MARS1: variants seen among roughly 807,000 people sequenced by gnomAD.
MARS1 encodes methionyl-tRNA synthetase 1.
A neutral mutation model predicts 119.5 loss-of-function variants in MARS1; 80 were observed. That is an observed-to-expected ratio of 0.67 (90% CI 0.56 to 0.81). MARS1 has a LOEUF of 0.81. MARS1 is among the 30% of genes least tolerant of loss of function. MARS1 has a pLI of 0.00. For synonymous variants in MARS1, 418 were observed against 433.4 expected, an observed-to-expected ratio of 0.96 and a Z score of 0.44; for missense variants, 945 against 1,116.5, an observed-to-expected ratio of 0.85 and a Z score of 2.19.
At chr12:57,502,674 C>G (rs989974824) in intron 10 of MARS1, among the ~76,000 whole-genome samples, 2 of 144,964 alleles carry the variant, frequency 1.4e-5, no homozygotes, top group African/African-American at 2.6e-5. Flanking sequence ...CTACTGCACT[C>G]CAGCCTGGGC....
intron 11 of MARS1, among the ~76,000 whole-genome samples, chr12:57,507,751 G>A (rs1162427416): frequency 3.4e-5 from 5 of 146,684 alleles, no homozygotes; most frequent in South Asian, 4.3e-4. Flanking sequence ...GGCCGGGCGG[G>A]GGCTGACCCC....
rs1301232562 is a variant in MARS1, at chr12:57,507,380, C to T, written c.1368+3081C>T. Among the ~76,000 whole-genome samples the T allele has an allele frequency of 8.8e-5, 13 of 147,334 alleles. 1 individual carries two copies. In the East Asian group the frequency reaches 1.4e-3, roughly 16 times the overall value. Reference sequence around the variant, plus strand: ...TGAGCTGTTGGGTACACCTCCCAGACGGGGTGGTGGCCAGGCAGAGGGGCT... The same window carrying T: ...TGAGCTGTTGGGTACACCTCCCAGATGGGGTGGTGGCCAGGCAGAGGGGCT... On this transcript the variant is annotated intron_variant, in intron 11 of 20. Coordinates refer to ENST00000262027, the MANE Select transcript of MARS1 (RefSeq NM_004990.4).
intron 10 of MARS1, 66 bp downstream of exon 10, chr12:57,500,588 T>C: frequency 6.8e-7 from 1 of 1,471,908 alleles, no homozygotes; most frequent in Non-Finnish European, 9.4e-7. Flanking sequence ...ACGCCCTTCC[T>C]GTCCCATTTA....
At chr12:57,501,553 C>G (rs1876916287) in intron 10 of MARS1, among the ~76,000 whole-genome samples, 1 of 152,160 alleles carries the variant, frequency 6.6e-6, no homozygotes, top group East Asian at 1.9e-4. Flanking sequence ...GGTGCGGTGG[C>G]TCACGCCTGT....
intron 7 of MARS1, among the ~76,000 whole-genome samples, chr12:57,492,783 A>G (rs1876053855): frequency 6.6e-6 from 1 of 151,938 alleles, no homozygotes; most frequent in Non-Finnish European, 1.5e-5. Context: ...GAGTGGAGAG[A>G]GGGTGTTTCA....
chr12:57,498,518 C>T lies in MARS1; in HGVS notation c.986C>T (p.Pro329Leu), dbSNP rs145260922. ...ETKALEEGLTPQEICDKYHII... is the reference protein window; with the variant it reads ...ETKALEEGLTLQEICDKYHII... ...AAGGCTCTGGAGGAGGGACTAACCCCCCAGGAGATCTGCGACAAGTACCAC... is the reference window on the plus strand; with the variant it reads ...AAGGCTCTGGAGGAGGGACTAACCCTCCAGGAGATCTGCGACAAGTACCAC... Residue 329 changes from proline (P) to leucine (L), a missense_variant, in exon 9 of 21, where the codon CCC becomes CTC. Pro to Leu is a moderately conservative substitution (Grantham distance 98). Coordinates refer to ENST00000262027, the MANE Select transcript of MARS1 (RefSeq NM_004990.4). 3 of 1,614,170 alleles carry T rather than the reference C, an allele frequency of 1.9e-6. No homozygotes were observed. Among genetic ancestry groups the T allele is most frequent in the Non-Finnish European group, 2.5e-6 (3 of 1,180,022 alleles).
chr12:57,496,041 G>C (rs1278636095), intron 7 of MARS1, among the ~76,000 whole-genome samples: 2 of 152,132 alleles, frequency 1.3e-5, no homozygotes, highest in South Asian at 2.1e-4. Context: ...GCAATTTTTT[G>C]TATTTTTAGT....
In MARS1 at chr12:57,512,769, A is replaced by G. The variant is rs775880924; in HGVS notation, c.1772A>G (p.Asp591Gly). 2 of 1,613,974 alleles carry G rather than the reference A, an allele frequency of 1.2e-6. No homozygotes were observed. Among genetic ancestry groups the G allele is most frequent in the Non-Finnish European group, 1.7e-6 (2 of 1,179,944 alleles). Reference protein sequence around the residue: ...LIATEYLNYEDGKFSKSRGVG... With the variant: ...LIATEYLNYEGGKFSKSRGVG... ...TGTCCAGAGTACCTGAACTATGAGG[A>G]TGGGAAATTCTCTAAGAGCCGCGGT... The change falls in exon 15 of 21, where the codon GAT (aspartate) becomes GGT (glycine). Residue 591 changes from aspartate to glycine, a missense_variant. Transcript: ENST00000262027.
chr12:57,500,578 A>G (rs1203806101), intron 10 of MARS1, 56 bp downstream of exon 10: 1 of 1,518,270 alleles, frequency 6.6e-7, no homozygotes, highest in Admixed American at 1.8e-5. Flanking sequence ...TTCTTAAGGG[A>G]CGCCCTTCCT....
chr12:57,509,119 T>C (rs1877388365), intron 11 of MARS1, among the ~76,000 whole-genome samples: 1 of 152,246 alleles, frequency 6.6e-6, no homozygotes, highest in Non-Finnish European at 1.5e-5. Context: ...CCTAAATTTA[T>C]TTTCATGTTC....
chr12:57,502,829 C>A (rs944326186), intron 10 of MARS1, among the ~76,000 whole-genome samples: 1 of 151,448 alleles, frequency 6.6e-6, no homozygotes, highest in South Asian at 2.1e-4. Context: ...AGTTTGAGAC[C>A]AGCCTAAACA....
At position 57,512,227 on chromosome 12, in the gene MARS1, T is replaced by C. The variant is rs373186969; in HGVS notation, c.1636-9T>C. 181 of 1,612,304 alleles carry C rather than the reference T, an allele frequency of 1.1e-4. 1 individual carries two copies. In the African/African-American group the frequency reaches 2.2e-3, roughly 19 times the overall value. Reference sequence around the variant, plus strand: ...TCTCAGGAAATCTCTCCTAACCACATTCCCCTAGGTGGACCTGTATCAGTT... The same window carrying C: ...TCTCAGGAAATCTCTCCTAACCACACTCCCCTAGGTGGACCTGTATCAGTT... On this transcript the variant is annotated splice_polypyrimidine_tract_variant and intron_variant, in intron 13 of 20. Coordinates refer to ENST00000262027, the MANE Select transcript of MARS1 (RefSeq NM_004990.4).
chr12:57,490,718 G>T lies in MARS1; in HGVS notation c.770+74G>T, dbSNP rs1200168076. The T allele has an allele frequency of 3.1e-5, 38 of 1,209,762 alleles. No homozygotes were observed. The Admixed American group carries it at 6.4e-4, about 20-fold the overall frequency. 74.9% of individuals were successfully genotyped at this position (1,209,762 alleles called of 1,614,324 possible). A position where few individuals can be genotyped will look rare whatever the true frequency, so the allele number is the denominator to read the frequency against. Reference sequence around the variant, plus strand: ...TTGTTGATAGAGCCAGAACCTGCCTGCTAGGTCCCGTTTGCTGATCTCTCT... The same window carrying T: ...TTGTTGATAGAGCCAGAACCTGCCTTCTAGGTCCCGTTTGCTGATCTCTCT... On this transcript the variant is annotated intron_variant, in intron 7 of 20. Transcript: ENST00000262027.
intron 15 of MARS1, among the ~76,000 whole-genome samples, chr12:57,514,191 C>G (rs1157493983): frequency 7.8e-6 from 1 of 127,652 alleles, no homozygotes; most frequent in African/African-American, 2.9e-5. Context: ...GAGTTTCTCT[C>G]TTGTTGCCCA....
In MARS1 at chr12:57,489,110, G is replaced by C; in HGVS notation, c.200+1G>C. 10 of 1,613,796 alleles carry C rather than the reference G, an allele frequency of 6.2e-6. No homozygotes were observed. The highest frequency in any genetic ancestry group is 8.5e-6 in the Non-Finnish European group (10 of 1,179,804). On this transcript the variant is annotated splice_donor_variant, in intron 2 of 20. Transcript: ENST00000262027. LOFTEE classifies it high-confidence loss of function. ...TCTTCTCCACTAGTGCAATCTGCCGGTCAGTATTGGTCCTTGGTGTAGGGA... is the reference window on the plus strand; with the variant it reads ...TCTTCTCCACTAGTGCAATCTGCCGCTCAGTATTGGTCCTTGGTGTAGGGA...
At chr12:57,513,294 GAAGA>G (rs1398899085) in intron 15 of MARS1, among the ~76,000 whole-genome samples, 1 of 152,120 alleles carries the variant, frequency 6.6e-6, no homozygotes, top group African/African-American at 2.4e-5. Flanking sequence ...AAGTTTGGCT[GAAGA>G]AAGGGGTTAT....
chr12:57,495,485 CG>C (rs1248406275), intron 7 of MARS1, among the ~76,000 whole-genome samples: 15 of 151,674 alleles, frequency 9.9e-5, no homozygotes. Context: ...GACAGGTTGA[CG>C]GCGGGGAAGA....
At chr12:57,488,522 A>C in intron 1 of MARS1, 1 of 1,502,470 alleles carries the variant, frequency 6.7e-7, no homozygotes. Flanking sequence ...CTCTTTAGTT[A>C]CTAGCATGAC....
intron 11 of MARS1, among the ~76,000 whole-genome samples, chr12:57,505,962 C>T: frequency 6.6e-6 from 1 of 151,828 alleles, no homozygotes; most frequent in Admixed American, 6.6e-5. Context: ...AACAGTGAAA[C>T]AATTAACCTG....
Sources: allele counts gnomAD v4.1 joint callset (sites outside exome capture counted in the v4.1 genomes callset), GRCh38; gene constraint gnomAD v4.1.1; transcripts MANE v1.5; gene names NCBI Gene and HGNC (gene_info 2026-07-23, HGNC 2026-07-21).